SDK1: variants seen among roughly 807,000 people sequenced by gnomAD.
SDK1 encodes protein sidekick-1.
In SDK1, 157 loss-of-function variants were observed where a neutral mutation model predicts 245.5. The ratio of observed to expected loss-of-function variants is 0.64; its 90% confidence interval spans 0.56 to 0.73. The LOEUF (loss-of-function observed/expected upper bound fraction) is 0.73, where lower values mean the gene tolerates loss of function less well. SDK1 is among the 30% of genes least tolerant of loss of function. The probability of loss-of-function intolerance (pLI) is 0.00; values close to 1 mark genes in which losing one functional copy is unlikely to be tolerated. For synonymous variants in SDK1, 1,647 were observed against 1,278.5 expected (o/e 1.29, Z -6.15); for missense variants, 3,583 against 3,002.3 (o/e 1.19, Z -4.52).
At chr7:3,612,260 A>G (rs886236136) in intron 1 of SDK1, among the ~76,000 whole-genome samples, 1 of 152,208 alleles carries the variant, frequency 6.6e-6, no homozygotes, top group African/African-American at 2.4e-5. Flanking sequence ...TAAAAATCCT[A>G]TCATAGGATC....
At chr7:3,431,986 C>A (rs542860488) in intron 1 of SDK1, among the ~76,000 whole-genome samples, 2 of 151,862 alleles carry the variant, frequency 1.3e-5, no homozygotes, top group Admixed American at 1.3e-4. Flanking sequence ...AATTATACAT[C>A]CCAGTTTACA....
intron 4 of SDK1, among the ~76,000 whole-genome samples, chr7:3,716,622 G>A (rs114176905): frequency 0.029 from 4,339 of 151,938 alleles, 214 homozygotes; most frequent in African/African-American, 0.1. Flanking sequence ...TTAGCCAGGC[G>A]TGGTGCACAC....
chr7:3,586,145 C>T (rs985042632), intron 1 of SDK1, among the ~76,000 whole-genome samples: 4 of 151,594 alleles, frequency 2.6e-5, no homozygotes, highest in Admixed American at 2.6e-4. Flanking sequence ...AGGGCTTCAC[C>T]ATTGCCTAAC....
At position 3,301,762 on chromosome 7, in the gene SDK1, G is replaced by T; in HGVS notation, c.176G>T (p.Gly59Val). The change falls in exon 1 of 45, where the codon GGC (glycine) becomes GTC (valine). Residue 59 changes from glycine to valine, a missense_variant. By Grantham distance (109) the Gly-to-Val change is moderately radical. Coordinates refer to ENST00000404826, the MANE Select transcript of SDK1 (RefSeq NM_152744.4). ...CCCCGGGCGGCGCCCGAGACCTCCG[G>T]CGGGGACACGGCGGGCGCGGGGCGG... Reference protein sequence around the residue: ...SRPRAAPETSGGDTAGAGRCG... With the variant: ...SRPRAAPETSVGDTAGAGRCG... 3.0e-6 allele frequency: 3 copies of T among 986,918 alleles called. No individual in the cohort carries two copies. The highest frequency in any genetic ancestry group is 3.6e-6 in the Non-Finnish European group (3 of 832,406). The allele number at this position is 986,918 out of a possible 1,614,324, so 61.1% of individuals were successfully genotyped here. A position where few individuals can be genotyped will look rare whatever the true frequency, so the allele number is the denominator to read the frequency against.
chr7:3,750,838 A>G (rs1402994972), intron 4 of SDK1, among the ~76,000 whole-genome samples: 3 of 152,236 alleles, frequency 2.0e-5, no homozygotes, highest in Non-Finnish European at 2.9e-5. Context: ...TAATCCTGCC[A>G]TGTCTTTACA....
intron 35 of SDK1, among the ~76,000 whole-genome samples, chr7:4,190,222 T>A (rs140353449): frequency 4.3e-4 from 65 of 152,278 alleles, no homozygotes; most frequent in Admixed American, 9.8e-4. Flanking sequence ...GGGTAATTAT[T>A]AACATATCAC....
At chr7:3,701,924 C>CAAAAAAA (rs58687135) in intron 4 of SDK1, among the ~76,000 whole-genome samples, 3,906 of 77,478 alleles carry the variant, frequency 0.05, 1 homozygote, top group East Asian at 0.11. Flanking sequence ...CGTGCATAAG[C>CAAAAAAA]AAAAAAAAAA....
intron 4 of SDK1, among the ~76,000 whole-genome samples, chr7:3,704,985 A>G (rs1428134405): frequency 6.6e-6 from 1 of 152,192 alleles, no homozygotes; most frequent in Non-Finnish European, 1.5e-5. Flanking sequence ...TTTGTCAAAG[A>G]TCAGTTGATT....
At chr7:3,706,655 G>T (rs1433941056) in intron 4 of SDK1, among the ~76,000 whole-genome samples, 2 of 152,238 alleles carry the variant, frequency 1.3e-5, no homozygotes, top group South Asian at 2.1e-4. Context: ...ACCCACTTTG[G>T]CCTCCCAAAG....
At position 4,266,780 on chromosome 7, in the gene SDK1, A is replaced by G; in HGVS notation, c.*1396A>G. The G allele has an allele frequency of 2.3e-5, 23 of 985,438 alleles. No homozygotes were observed. Among genetic ancestry groups the G allele is most frequent in the Non-Finnish European group, 2.8e-5 (23 of 829,962 alleles). The allele number at this position is 985,438 out of a possible 1,614,324, so 61.0% of individuals were successfully genotyped here. The stretch of plus-strand genomic sequence containing the variant: ...TGGAACGGGAGCACTGCTGGTGCCC[A>G]CTGGCGTGTGTGCCCCGGGTCCCTG... On this transcript the variant is annotated 3_prime_UTR_variant, in exon 45 of 45. Coordinates refer to ENST00000404826, the MANE Select transcript of SDK1 (RefSeq NM_152744.4).
intron 5 of SDK1, among the ~76,000 whole-genome samples, chr7:3,944,916 G>C (rs756793147): frequency 1.3e-5 from 2 of 152,204 alleles, no homozygotes; most frequent in African/African-American, 2.4e-5. Context: ...GGAGGGGCTG[G>C]TTATGACAGA....
At chr7:4,201,071 T>A (rs1362991565) in intron 35 of SDK1, among the ~76,000 whole-genome samples, 1 of 152,192 alleles carries the variant, frequency 6.6e-6, no homozygotes, top group Non-Finnish European at 1.5e-5. Context: ...CACCATGTCC[T>A]TTGTTCCTAG....
chr7:3,413,526 C>A (rs1007233541), intron 1 of SDK1, among the ~76,000 whole-genome samples: 1 of 151,954 alleles, frequency 6.6e-6, no homozygotes, highest in African/African-American at 2.4e-5. Flanking sequence ...GAAACTCCGT[C>A]TCTACTAAAG....
intron 4 of SDK1, among the ~76,000 whole-genome samples, chr7:3,677,492 C>G (rs1783941626): frequency 6.6e-6 from 1 of 152,092 alleles, no homozygotes; most frequent in Non-Finnish European, 1.5e-5. Flanking sequence ...CAAGGGAATT[C>G]CCATTTATAA....
Position 4,036,175 on chromosome 7 carries a change from G to T in SDK1, c.2603-13173G>T, listed in dbSNP as rs1332981971. 3.9e-5 allele frequency among the ~76,000 whole-genome samples: 6 copies of T among 152,164 alleles called. No individual in the cohort carries two copies. In the East Asian group the frequency reaches 5.8e-4, roughly 15 times the overall value. ...CAAAGTAGGAGGTCACAATTGCTGGGAAATTATTTATTGCTTTTTCCTTAG... is the reference window on the plus strand; with the variant it reads ...CAAAGTAGGAGGTCACAATTGCTGGTAAATTATTTATTGCTTTTTCCTTAG... On this transcript the variant is annotated intron_variant, in intron 17 of 44. Transcript: ENST00000404826.
At chr7:3,578,389 C>T (rs1244234939) in intron 1 of SDK1, among the ~76,000 whole-genome samples, 1 of 151,974 alleles carries the variant, frequency 6.6e-6, no homozygotes, top group Non-Finnish European at 1.5e-5. Flanking sequence ...CAGGACAAGG[C>T]AAAACAGAAC....
chr7:3,919,465 G>A (rs1779510837), intron 5 of SDK1, among the ~76,000 whole-genome samples: 1 of 152,360 alleles, frequency 6.6e-6, no homozygotes, highest in East Asian at 1.9e-4. Flanking sequence ...GACAATTGGA[G>A]GGGAAGGAGA....
chr7:3,935,115 G>T (rs1780111314), intron 5 of SDK1, among the ~76,000 whole-genome samples: 1 of 152,190 alleles, frequency 6.6e-6, no homozygotes, highest in African/African-American at 2.4e-5. Flanking sequence ...GGTAGGAACT[G>T]ATGGGTACTT....
chr7:3,358,011 ATTTTCTTT>A (rs1335134507), intron 1 of SDK1, among the ~76,000 whole-genome samples: 1 of 151,774 alleles, frequency 6.6e-6, no homozygotes, highest in Non-Finnish European at 1.5e-5. Context: ...ATTCCCAGTC[ATTTTCTTT>A]TTTTCTTTTT....
Sources: allele counts gnomAD v4.1 joint callset (sites outside exome capture counted in the v4.1 genomes callset), GRCh38; gene constraint gnomAD v4.1.1; transcripts MANE v1.5; gene names NCBI Gene and HGNC (gene_info 2026-07-23, HGNC 2026-07-21).